Variants in MYO1G observed in about 807,000 individuals in gnomAD.
MYO1G encodes myosin IG, also known as unconventional myosin-Ig.
A neutral mutation model predicts 115.3 loss-of-function variants in MYO1G; 65 were observed. The ratio of observed to expected loss-of-function variants is 0.56; its 90% CI spans 0.46 to 0.69. MYO1G has a LOEUF of 0.69. Ranked by LOEUF, MYO1G falls within the 30% of genes least tolerant of loss-of-function variation. MYO1G has a pLI of 0.00. For synonymous variants in MYO1G, 510 were observed against 552.6 expected (o/e 0.92, Z 1.08); for missense variants, 1,204 against 1,393.5 (o/e 0.86, Z 2.16).
rs774789469 is a variant in MYO1G, at chr7:44,966,099, G to C, written c.2131C>G (p.Pro711Ala). 1.2e-6 allele frequency: 2 copies of C among 1,612,696 alleles called. No individual in the cohort carries two copies. The highest frequency in any genetic ancestry group is 1.7e-6 in the Non-Finnish European group (2 of 1,179,984). The change falls in exon 16 of 22, where the codon CCC (proline) becomes GCC (alanine). Residue 711 changes from proline to alanine, a missense_variant. Coordinates refer to ENST00000258787, the MANE Select transcript of MYO1G (RefSeq NM_033054.3). The surrounding 1 kb of genome is among the most constrained non-coding windows in gnomAD (Gnocchi z 5.0). ...TLEQSRARLI[P>A]IIVLLLQKAW... ...TTCTGCAATAGCAGCACAATGATGGGGATGAGGCGGGCTCGGCTCTGCTCC... is the reference window on the plus strand; with the variant it reads ...TTCTGCAATAGCAGCACAATGATGGCGATGAGGCGGGCTCGGCTCTGCTCC...
At position 44,962,948 on chromosome 7, in the gene MYO1G, C is replaced by T. The variant is rs1794773778; in HGVS notation, c.2900+22G>A. The T allele has an allele frequency of 1.3e-6, 2 of 1,516,356 alleles. No homozygotes were observed. The highest frequency in any genetic ancestry group is 1.8e-6 in the Non-Finnish European group (2 of 1,135,976). The allele number at this position is 1,516,356 out of a possible 1,614,324, so 93.9% of individuals were successfully genotyped here. On this transcript the variant is annotated intron_variant, in intron 21 of 21. Coordinates refer to ENST00000258787, the MANE Select transcript of MYO1G (RefSeq NM_033054.3). This position sits in a 1 kb window ranked among gnomAD's most constrained non-coding sequence, Gnocchi z 5.3. The stretch of plus-strand genomic sequence containing the variant: ...CCACGCGGCCGGGGCTTCGTGCCCG[C>T]TACCGCCCAGCCTGCACTCACCCCT...
intron 6 of MYO1G, 86 bp from the exon 7 acceptor site, chr7:44,971,875 C>G: frequency 9.9e-7 from 1 of 1,009,384 alleles, no homozygotes; most frequent in Non-Finnish European, 1.5e-6. Flanking sequence ...CCATCCTAGG[C>G]ACCTGCTCAC....
At chr7:44,974,197 A>G (rs2128702711) in intron 5 of MYO1G, 1 of 151,076 alleles carries the variant, frequency 6.6e-6, no homozygotes, top group African/African-American at 2.4e-5. Context: ...GGAGCACCAC[A>G]CCATGGAAGC....
In MYO1G at chr7:44,962,976, C is replaced by G; in HGVS notation, c.2894G>C (p.Cys965Ser). 6.5e-7 allele frequency: 1 copy of G among 1,532,628 alleles called. No individual in the cohort carries two copies. The allele number at this position is 1,532,628 out of a possible 1,614,324, so 94.9% of individuals were successfully genotyped here. ...CCGCCCAGCCTGCACTCACCCCTGG[C>G]AGTGTGCGGCCAGCACGCCCACCAG... is the stretch of plus-strand genomic sequence containing the variant. ...GELVGVLAAHCQGEGRTLEVR... is the reference protein window; with the variant it reads ...GELVGVLAAHSQGEGRTLEVR... Residue 965 changes from cysteine to serine, a missense_variant, in exon 21 of 22, where the codon TGC (cysteine) becomes TCC (serine). Cys to Ser is a moderately radical substitution (Grantham distance 112). Coordinates refer to ENST00000258787, the MANE Select transcript of MYO1G (RefSeq NM_033054.3). This position sits in a 1 kb window ranked among gnomAD's most constrained non-coding sequence, Gnocchi z 5.3.
chr7:44,975,228 C>T lies in MYO1G; in HGVS notation c.565-1G>A, dbSNP rs779229335. On this transcript the variant is annotated splice_acceptor_variant, in intron 4 of 21. Coordinates refer to ENST00000258787, the MANE Select transcript of MYO1G (RefSeq NM_033054.3). LOFTEE classifies it high-confidence loss of function. Reference sequence around the variant, plus strand: ...CCACGTGCTGCTTGAGGACCCGAGACTGAGGAGAGAGGGGCAGATGGACTC... The same window carrying T: ...CCACGTGCTGCTTGAGGACCCGAGATTGAGGAGAGAGGGGCAGATGGACTC... 1.2e-6 allele frequency: 2 copies of T among 1,614,054 alleles called. No individual in the cohort carries two copies. The highest frequency in any genetic ancestry group is 1.7e-6 in the Non-Finnish European group (2 of 1,179,978).
rs1174681010 is a variant in MYO1G at position 44,975,243 on chromosome 7, C to T, written c.565-16G>A. 21 of 1,613,884 alleles carry T rather than the reference C, an allele frequency of 1.3e-5. No individual in the cohort carries two copies. Among genetic ancestry groups the T allele is most frequent in the Non-Finnish European group, 1.7e-5 (20 of 1,179,906 alleles). ...GGACCCGAGACTGAGGAGAGAGGGGCAGATGGACTCAGGCCTGGGAAGGAG... is the reference window on the plus strand; with the variant it reads ...GGACCCGAGACTGAGGAGAGAGGGGTAGATGGACTCAGGCCTGGGAAGGAG... On this transcript the variant is annotated splice_polypyrimidine_tract_variant and intron_variant, in intron 4 of 21. Transcript: ENST00000258787.
intron 14 of MYO1G, among the ~76,000 whole-genome samples, 159 bp downstream of exon 14, chr7:44,967,446 G>A (rs1401944133): frequency 6.6e-6 from 1 of 152,174 alleles, no homozygotes; most frequent in Non-Finnish European, 1.5e-5. Context: ...CTGTGCAGTG[G>A]GTGGGGTCCA....
Position 44,964,477 on chromosome 7 carries a change from G to A in MYO1G, c.2569C>T (p.Leu857=). ...PTASSLFAQR[L]KTLQDKDGFG... ...CCATCTTTGTCCTGAAGTGTCTTTA[G>A]TCGCTGAGCAAACAGGCTTGATGCT... Residue 857 remains leucine, a synonymous_variant, in exon 19 of 22, where the codon CTA becomes TTA. Coordinates refer to ENST00000258787, the MANE Select transcript of MYO1G (RefSeq NM_033054.3). This position sits in a 1 kb window ranked among gnomAD's most constrained non-coding sequence, Gnocchi z 5.1. The A allele has an allele frequency of 6.2e-7, 1 of 1,614,102 alleles. No individual in the cohort carries two copies. The highest frequency in any genetic ancestry group is 8.5e-7 in the Non-Finnish European group (1 of 1,180,006).
chr7:44,966,931 A>G lies in MYO1G; in HGVS notation c.1783-93T>C, dbSNP rs1794857260. The G allele has an allele frequency of 4.5e-6, 6 of 1,329,374 alleles. No homozygotes were observed. In the African/African-American group the frequency reaches 8.8e-5, roughly 20 times the overall value. 82.3% of individuals were successfully genotyped at this position (1,329,374 alleles called of 1,614,324 possible). On this transcript the variant is annotated intron_variant, in intron 14 of 21. Transcript: ENST00000258787. The surrounding 1 kb of genome is among the most constrained non-coding windows in gnomAD (Gnocchi z 5.0). The stretch of plus-strand genomic sequence containing the variant: ...GGGCTTCCTAACCCCTCAAGGTCCC[A>G]GGCCAGGAGAAGAGTTGGGAACAAA...
Position 44,969,601 on chromosome 7 carries a change from C to G in MYO1G, c.1503+104G>C. On this transcript the variant is annotated intron_variant, in intron 11 of 21. Transcript: ENST00000258787. This position sits in a 1 kb window ranked among gnomAD's most constrained non-coding sequence, Gnocchi z 5.0. ...GTTGCCACAGTGACGACAATGGCAC[C>G]AAAGCTGGGTCCCCAACCAGGCCCC... is the stretch of plus-strand genomic sequence containing the variant. The G allele has an allele frequency of 6.3e-7, 1 of 1,580,356 alleles. No individual in the cohort carries two copies. Among genetic ancestry groups the G allele is most frequent in the Non-Finnish European group, 8.7e-7 (1 of 1,153,938 alleles).
chr7:44,971,877 C>A, intron 6 of MYO1G, 88 bp from the exon 7 acceptor site: 1 of 961,744 alleles, frequency 1.0e-6, no homozygotes. Flanking sequence ...ATCCTAGGCA[C>A]CTGCTCACCC....
intron 7 of MYO1G, among the ~76,000 whole-genome samples, chr7:44,971,331 C>T (rs1359141633): frequency 1.3e-5 from 2 of 152,186 alleles, no homozygotes; most frequent in African/African-American, 2.4e-5. Flanking sequence ...CCACAGCCAG[C>T]GGAGCCCTGC....
At chr7:44,965,134 T>C (rs1396826683) in intron 17 of MYO1G, 45 bp from the exon 18 acceptor site, 6 of 1,572,046 alleles carry the variant, frequency 3.8e-6, no homozygotes, top group Admixed American at 3.4e-5. Flanking sequence ...CATGTGTTCA[T>C]GTGCTCCCTG....
chr7:44,976,929 C>A lies in MYO1G; in HGVS notation c.238G>T (p.Ala80Ser). The change falls in exon 2 of 22, where the codon GCT (alanine) becomes TCT (serine). Residue 80 changes from alanine to serine, a missense_variant. Ala to Ser is a moderately conservative substitution (Grantham distance 99). Coordinates refer to ENST00000258787, the MANE Select transcript of MYO1G (RefSeq NM_033054.3). ...ELYERPPHLY[A>S]VANAAYKAMK... ...GCCTTGTAGGCGGCGTTGGCCACAG[C>A]ATAGAGATGGGGTGGCCGCTCATAG... is the stretch of plus-strand genomic sequence containing the variant. 6.2e-7 allele frequency: 1 copy of A among 1,613,610 alleles called. No individual in the cohort carries two copies. The highest frequency in any genetic ancestry group is 8.5e-7 in the Non-Finnish European group (1 of 1,180,040).
At chr7:44,970,005 C>T (rs1190951530) in intron 10 of MYO1G, 35 bp downstream of exon 10, 7 of 1,605,778 alleles carry the variant, frequency 4.4e-6, no homozygotes, top group Non-Finnish European at 5.1e-6. Context: ...CTCCACACCC[C>T]ACTGCCTGGC....
In MYO1G at chr7:44,966,631, G is replaced by C. The variant is rs1248546422; in HGVS notation, c.1949+41C>G. 9 of 1,611,358 alleles carry C rather than the reference G, an allele frequency of 5.6e-6. No homozygotes were observed. Among genetic ancestry groups the C allele is most frequent in the Non-Finnish European group, 7.6e-6 (9 of 1,178,934 alleles). On this transcript the variant is annotated intron_variant, in intron 15 of 21. Transcript: ENST00000258787. The surrounding 1 kb of genome is among the most constrained non-coding windows in gnomAD (Gnocchi z 5.0). ...CTCCTACCCCTTGGACTCCACACAG[G>C]GACTATGGCCCATGGAGTGATGGGT...
At chr7:44,978,079 C>T (rs982299926) in intron 1 of MYO1G, among the ~76,000 whole-genome samples, 4 of 152,160 alleles carry the variant, frequency 2.6e-5, no homozygotes, top group East Asian at 3.9e-4. Context: ...GAGCCAGGCT[C>T]GTGGTCTCTT....
At position 44,964,480 on chromosome 7, in the gene MYO1G, G is replaced by A. The variant is rs1016309315; in HGVS notation, c.2566C>T (p.Arg856Ter). ...NPTASSLFAQ[R>*]LKTLQDKDGF... ...TCTTTGTCCTGAAGTGTCTTTAGTC[G>A]CTGAGCAAACAGGCTTGATGCTGTG... The change falls in exon 19 of 22, where the codon CGA becomes TGA. Residue 856 changes from arginine (R) to a stop codon, truncating the protein, a stop_gained. Transcript: ENST00000258787. LOFTEE classifies it high-confidence loss of function. The surrounding 1 kb of genome is among the most constrained non-coding windows in gnomAD (Gnocchi z 5.1). 10 of 1,613,932 alleles carry A rather than the reference G, an allele frequency of 6.2e-6. No individual in the cohort carries two copies. The highest frequency in any genetic ancestry group is 2.7e-5 in the African/African-American group (2 of 74,916).
In MYO1G at chr7:44,969,972, C is replaced by T. The variant is rs1307388946; in HGVS notation, c.1332+68G>A. Reference sequence around the variant, plus strand: ...CAGCCACCTGTCAGGCCAGCCCGGGCCCCTCCCCATGGGCTGAGGCCCCTC... The same window carrying T: ...CAGCCACCTGTCAGGCCAGCCCGGGTCCCTCCCCATGGGCTGAGGCCCCTC... On this transcript the variant is annotated intron_variant, in intron 10 of 21. Coordinates refer to ENST00000258787, the MANE Select transcript of MYO1G (RefSeq NM_033054.3). The surrounding 1 kb of genome is among the most constrained non-coding windows in gnomAD (Gnocchi z 5.0). 1 of 1,593,192 alleles carries T rather than the reference C, an allele frequency of 6.3e-7. No individual in the cohort carries two copies. The highest frequency in any genetic ancestry group is 1.1e-5 in the South Asian group (1 of 89,268).
Sources: gnomAD v4.1 joint callset for allele counts (sites outside exome capture counted in the v4.1 genomes callset) on GRCh38, gnomAD v4.1.1 for gene constraint, Gnocchi (gnomAD v3.1) non-coding constraint, MANE v1.5 for transcripts, NCBI Gene and HGNC (gene_info 2026-07-23, HGNC 2026-07-21) for gene names.